EML5: variants seen among roughly 807,000 people sequenced by gnomAD.
The protein encoded by EML5 is EMAP like 5, also known as echinoderm microtubule-associated protein-like 5.
A neutral mutation model predicts 250.0 loss-of-function variants in EML5; 120 were observed. The ratio of observed to expected loss-of-function variants is 0.48; its 90% CI spans 0.41 to 0.56. EML5 has a LOEUF of 0.56. Among genes scored for constraint, EML5 ranks in the 20% least tolerant of loss-of-function variants. The probability of loss-of-function intolerance (pLI) is 0.00; values close to 1 mark genes in which losing one functional copy is unlikely to be tolerated. For synonymous variants in EML5, 771 were observed against 806.5 expected (o/e 0.96, Z 0.75); for missense variants, 2,006 against 2,437.6 (o/e 0.82, Z 3.73).
intron 1 of EML5, among the ~76,000 whole-genome samples, chr14:88,773,487 T>C (rs2094415984): frequency 6.6e-6 from 1 of 152,218 alleles, no homozygotes; most frequent in Non-Finnish European, 1.5e-5. Flanking sequence ...ATGAGTGGAT[T>C]TGGCTAGGTC....
rs1171132601 is a variant in EML5, at chr14:88,788,533, T to C, written c.197+3774A>G. ...ACCAACTGGTGAGACCCTTTCACTA[T>C]GTTAAAAAAAAAAAAAAGTACTCTA... On this transcript the variant is annotated intron_variant, in intron 1 of 43. Transcript: ENST00000554922. Among the ~76,000 whole-genome samples the C allele has an allele frequency of 2.7e-5, 4 of 148,572 alleles. No individual in the cohort carries two copies. The East Asian group carries it at 5.9e-4, about 22-fold the overall frequency.
chr14:88,689,459 A>C (rs180707080), intron 17 of EML5, among the ~76,000 whole-genome samples: 6 of 152,350 alleles, frequency 3.9e-5, no homozygotes, highest in Admixed American at 2.6e-4. Flanking sequence ...ATTTCTGTGA[A>C]TATTATGCTA....
At chr14:88,720,855 A>T (rs1458622672) in intron 8 of EML5, among the ~76,000 whole-genome samples, 1 of 152,204 alleles carries the variant, frequency 6.6e-6, no homozygotes, top group Non-Finnish European at 1.5e-5. Context: ...TGCAGATGAC[A>T]TGATCCTATA....
At chr14:88,616,920 C>T (rs754307634) in intron 41 of EML5, 41 bp from the exon 42 acceptor site, 10 of 1,595,330 alleles carry the variant, frequency 6.3e-6, no homozygotes, top group South Asian at 3.4e-5. Context: ...ATGGCAAGTG[C>T]GGGCAGGTTG....
rs149315948 is a variant in EML5, at chr14:88,747,140, C to T, written c.358-857G>A. Among the ~76,000 whole-genome samples the T allele has an allele frequency of 6.4e-4, 98 of 151,946 alleles. No individual in the cohort carries two copies. The East Asian group carries it at 0.017, about 26-fold the overall frequency. ...CAAACAAAAAAAAAAGGGTCAGGTG[C>T]GGTGGCTCACACTGTAATCCCAGCA... On this transcript the variant is annotated intron_variant, in intron 2 of 43. Transcript: ENST00000554922.
chr14:88,744,170 C>T (rs2093969841), intron 3 of EML5, 79 bp from the exon 4 acceptor site: 2 of 879,864 alleles, frequency 2.3e-6, no homozygotes, highest in African/African-American at 3.4e-5. Flanking sequence ...ACCAAATGGC[C>T]CAAACTCCTA....
chr14:88,669,837 T>G (rs564224708), intron 21 of EML5, among the ~76,000 whole-genome samples: 7 of 152,280 alleles, frequency 4.6e-5, no homozygotes, highest in Non-Finnish European at 8.8e-5. Context: ...CAGGGGCGTT[T>G]CCACTGGTAT....
chr14:88,729,406 G>A (rs2093717863), intron 7 of EML5, among the ~76,000 whole-genome samples: 1 of 152,002 alleles, frequency 6.6e-6, no homozygotes, highest in African/African-American at 2.4e-5. Context: ...GCCTATTTTT[G>A]TACAGTCTGA....
intron 13 of EML5, among the ~76,000 whole-genome samples, chr14:88,703,344 C>A (rs1721405345): frequency 1.3e-5 from 2 of 152,042 alleles, no homozygotes; most frequent in South Asian, 4.1e-4. Flanking sequence ...GCTGGGAGGG[C>A]AGAGGTGGGA....
intron 1 of EML5, among the ~76,000 whole-genome samples, chr14:88,774,050 A>C (rs2094423036): frequency 1.3e-5 from 2 of 152,168 alleles, no homozygotes; most frequent in African/African-American, 4.8e-5. Context: ...ACCCGGAGGC[A>C]AAGGTTGCAG....
In EML5 at chr14:88,678,961, G is replaced by C. The variant is rs2092658386; in HGVS notation, c.3124+2929C>G. On this transcript the variant is annotated intron_variant, in intron 21 of 43. Coordinates refer to ENST00000554922, the MANE Select transcript of EML5 (RefSeq NM_183387.3). ...GGCAGAGCTATGCTCCGTTGTGAAAGTTCTTGGGAATAATCCTTCCTTGTT... is the reference window on the plus strand; with the variant it reads ...GGCAGAGCTATGCTCCGTTGTGAAACTTCTTGGGAATAATCCTTCCTTGTT... 2.0e-5 allele frequency among the ~76,000 whole-genome samples: 3 copies of C among 151,998 alleles called. No individual in the cohort carries two copies. The South Asian group carries it at 6.2e-4, about 32-fold the overall frequency.
chr14:88,790,363 G>C (rs569092838), intron 1 of EML5, among the ~76,000 whole-genome samples: 1 of 152,264 alleles, frequency 6.6e-6, no homozygotes, highest in East Asian at 1.9e-4. Flanking sequence ...GAGTATGTTT[G>C]TTGTTTTGTA....
Position 88,688,416 on chromosome 14 carries a change from A to G in EML5, c.2597T>C (p.Met866Thr), listed in dbSNP as rs778933505. The G allele has an allele frequency of 3.5e-5, 57 of 1,613,818 alleles. No individual in the cohort carries two copies. Among genetic ancestry groups the G allele is most frequent in the Non-Finnish European group, 4.3e-5 (51 of 1,179,874 alleles). The change falls in exon 18 of 44, where the codon ATG (methionine) becomes ACG (threonine). Residue 866 changes from methionine (M) to threonine (T), a missense_variant. Physicochemically the swap from Met to Thr is moderately conservative, Grantham distance 81. This residue lies in a region of EML5 where 1,375 missense variants were observed against 1,590.3 expected (regional missense o/e 0.86). Transcript: ENST00000554922. ...AGTCCATCCATACACTGCACACATC[A>G]TTGTGTCATTTTTCCCCAGTGTGCC... The part of the protein sequence containing the change: ...YIGTLGKNDT[M>T]MCAVYGWTEE...
chr14:88,677,660 G>A (rs947690786), intron 21 of EML5, among the ~76,000 whole-genome samples: 3 of 152,198 alleles, frequency 2.0e-5, no homozygotes, highest in Non-Finnish European at 4.4e-5. Context: ...ATTCTCAAAA[G>A]AAGACATTTA....
Position 88,792,358 on chromosome 14 carries a change from G to A in EML5, c.146C>T (p.Pro49Leu), listed in dbSNP as rs2140912100. 1 of 1,568,386 alleles carries A rather than the reference G, an allele frequency of 6.4e-7. No individual in the cohort carries two copies. Among genetic ancestry groups the A allele is most frequent in the South Asian group, 1.2e-5 (1 of 85,444 alleles). Reference sequence around the variant, plus strand: ...GTAGAACTTCTGCCTGTGCTCCCGCGGGCTGTACACCACGCCGACCCCCGC... The same window carrying A: ...GTAGAACTTCTGCCTGTGCTCCCGCAGGCTGTACACCACGCCGACCCCCGC... ...FVAGVGVVYS[P>L]REHRQKFYRG... Residue 49 changes from proline (P) to leucine (L), a missense_variant, in exon 1 of 44, where the codon CCG (proline) becomes CTG (leucine). Physicochemically the swap from Pro to Leu is moderately conservative, Grantham distance 98 (BLOSUM62 -3). This residue lies in a region of EML5 where 162 missense variants were observed against 212.2 expected (regional missense o/e 0.76). Coordinates refer to ENST00000554922, the MANE Select transcript of EML5 (RefSeq NM_183387.3). This position sits in a 1 kb window ranked among gnomAD's most constrained non-coding sequence, Gnocchi z 6.9.
At chr14:88,653,768 G>A (rs540608883) in intron 27 of EML5, among the ~76,000 whole-genome samples, 2 of 152,170 alleles carry the variant, frequency 1.3e-5, no homozygotes, top group South Asian at 4.2e-4. Flanking sequence ...TTTTTTTGTT[G>A]TGTCTCTGCC....
intron 12 of EML5, among the ~76,000 whole-genome samples, 157 bp from the exon 13 acceptor site, chr14:88,705,135 GAACA>G (rs1314623422): frequency 2.6e-5 from 4 of 151,996 alleles, no homozygotes; most frequent in African/African-American, 7.2e-5. Flanking sequence ...CCCTCGGAAA[GAACA>G]AACAAATTCA....
chr14:88,714,806 C>A, intron 9 of EML5, 133 bp downstream of exon 9: 1 of 793,080 alleles, frequency 1.3e-6, no homozygotes, highest in Non-Finnish European at 1.9e-6. Context: ...GTAGAAAAGT[C>A]TACAATGCCT....
chr14:88,721,956 C>T (rs2093596309), intron 8 of EML5, among the ~76,000 whole-genome samples: 1 of 152,118 alleles, frequency 6.6e-6, no homozygotes, highest in Admixed American at 6.5e-5. Flanking sequence ...GGGCAAAGGA[C>T]ATGAGCGGAC....
Sources: gnomAD v4.1 joint callset for allele counts (sites outside exome capture counted in the v4.1 genomes callset) on GRCh38, gnomAD v4.1.1 for gene constraint, gnomAD v4.1.1 regional missense constraint, Gnocchi (gnomAD v3.1) non-coding constraint, MANE v1.5 for transcripts, NCBI Gene and HGNC (gene_info 2026-07-23, HGNC 2026-07-21) for gene names.